The following MAGI2 variants were observed in gnomAD, a reference collection of about 807,000 sequenced individuals.
MAGI2 encodes membrane-associated guanylate kinase, WW and PDZ domain-containing protein 2.
Under a neutral mutation model 133.3 loss-of-function variants are expected in MAGI2, and 35 were observed. The ratio of observed to expected loss-of-function variants is 0.26; its 90% CI spans 0.20 to 0.35. The LOEUF is 0.35. Among genes scored for constraint, MAGI2 ranks in the 10% least tolerant of loss-of-function variants. The pLI is 1.00. For missense variants in MAGI2, 1,636 were observed against 1,863.4 expected (o/e 0.88, Z 2.25); for synonymous variants, 729 against 710.6 (o/e 1.03, Z -0.41).
At chr7:79,239,250 G>A (rs183391778) in intron 1 of MAGI2, among the ~76,000 whole-genome samples, 2 of 152,118 alleles carry the variant, frequency 1.3e-5, no homozygotes, top group African/African-American at 4.8e-5. Context: ...AAGCAGAAAA[G>A]TGGCTAATGC....
At chr7:79,145,944 G>T (rs1822576775) in intron 1 of MAGI2, among the ~76,000 whole-genome samples, 1 of 152,112 alleles carries the variant, frequency 6.6e-6, no homozygotes. Flanking sequence ...TCTTGATTTG[G>T]GGCATGGAAG....
chr7:78,031,579 A>T (rs553800560), intron 21 of MAGI2, among the ~76,000 whole-genome samples: 2 of 152,198 alleles, frequency 1.3e-5, no homozygotes, highest in African/African-American at 4.8e-5. Flanking sequence ...AGTTAGAAGA[A>T]TCTGAATTAA....
At chr7:78,494,600 G>C (rs570888676) in intron 5 of MAGI2, among the ~76,000 whole-genome samples, 1 of 152,114 alleles carries the variant, frequency 6.6e-6, no homozygotes, top group Non-Finnish European at 1.5e-5. Context: ...ATTAAAACAT[G>C]TTCTCCTTTC....
chr7:78,887,753 G>A (rs914213670), intron 2 of MAGI2, among the ~76,000 whole-genome samples: 1 of 152,178 alleles, frequency 6.6e-6, no homozygotes, highest in African/African-American at 2.4e-5. Flanking sequence ...TCAGGGTTGA[G>A]CCAAGATGGC....
At chr7:79,257,346 C>T (rs932484822) in intron 1 of MAGI2, among the ~76,000 whole-genome samples, 2 of 152,060 alleles carry the variant, frequency 1.3e-5, no homozygotes, top group African/African-American at 4.8e-5. Flanking sequence ...AGTGATATTA[C>T]TTTAACAAAC....
intron 16 of MAGI2, among the ~76,000 whole-genome samples, chr7:78,150,835 A>T (rs1418800215): frequency 6.6e-6 from 1 of 152,174 alleles, no homozygotes; most frequent in Non-Finnish European, 1.5e-5. Context: ...AATTTTAGAA[A>T]ATGCATTGTG....
chr7:78,179,624 T>C (rs893763532), intron 13 of MAGI2, among the ~76,000 whole-genome samples: 3 of 152,228 alleles, frequency 2.0e-5, no homozygotes, highest in Non-Finnish European at 4.4e-5. Context: ...ATTCATACCC[T>C]TTTATGACCA....
chr7:78,501,372 T>C (rs914484489), intron 5 of MAGI2, among the ~76,000 whole-genome samples: 7 of 152,180 alleles, frequency 4.6e-5, no homozygotes, highest in Non-Finnish European at 7.3e-5. Flanking sequence ...TGCTATTATT[T>C]AATCCATTAT....
At position 78,725,690 on chromosome 7, in the gene MAGI2, T is replaced by G. The variant is rs917120211; in HGVS notation, c.419-98451A>C. Among the ~76,000 whole-genome samples, 4 of 152,154 alleles carry G rather than the reference T, an allele frequency of 2.6e-5. No homozygotes were observed. In the South Asian group the frequency reaches 6.2e-4, roughly 24 times the overall value. On this transcript the variant is annotated intron_variant, in intron 2 of 21. Coordinates refer to ENST00000354212, the MANE Select transcript of MAGI2 (RefSeq NM_012301.4). The stretch of plus-strand genomic sequence containing the variant: ...GGCAGGCGCCTGTAGTCCCAGCTAC[T>G]TGGGAGGCTGAGGCAGGAGAACGGC...
At chr7:78,053,354 C>T (rs1222164498) in intron 21 of MAGI2, among the ~76,000 whole-genome samples, 5 of 152,280 alleles carry the variant, frequency 3.3e-5, no homozygotes, top group African/African-American at 9.6e-5. Flanking sequence ...TAGAAGCTGT[C>T]CCAGGACTGT....
chr7:78,539,985 T>C (rs1584551910), intron 3 of MAGI2, among the ~76,000 whole-genome samples: 1 of 152,224 alleles, frequency 6.6e-6, no homozygotes, highest in African/African-American at 2.4e-5. Flanking sequence ...TATTCTTTTA[T>C]GAGTTGCTGT....
chr7:78,521,348 T>C, intron 4 of MAGI2, 82 bp downstream of exon 4: 2 of 944,182 alleles, frequency 2.1e-6, no homozygotes, highest in Non-Finnish European at 1.7e-6. Flanking sequence ...TGTATATATA[T>C]CTTACTGTGT....
intron 1 of MAGI2, among the ~76,000 whole-genome samples, chr7:79,437,544 A>G (rs1481913494): frequency 6.6e-6 from 1 of 152,146 alleles, no homozygotes; most frequent in Non-Finnish European, 1.5e-5. Context: ...ATGTCAAAGG[A>G]AAGTAACTCA....
At chr7:79,026,846 G>A (rs1426674523) in intron 1 of MAGI2, among the ~76,000 whole-genome samples, 1 of 149,750 alleles carries the variant, frequency 6.7e-6, no homozygotes, top group Non-Finnish European at 1.5e-5. Flanking sequence ...CAGCCTGGGA[G>A]ACAGAGCAAG....
intron 1 of MAGI2, among the ~76,000 whole-genome samples, chr7:79,070,235 G>T (rs1814824656): frequency 2.0e-5 from 3 of 151,900 alleles, no homozygotes; most frequent in Admixed American, 6.6e-5. Flanking sequence ...ATCACTTTCA[G>T]GTACATCAAT....
intron 7 of MAGI2, chr7:78,358,694 G>A (rs951694014): frequency 1.8e-5 from 4 of 217,868 alleles, no homozygotes; most frequent in African/African-American, 2.4e-5. Context: ...CCTGGCTCAC[G>A]AGGTTGGCTG....
At chr7:78,508,855 C>T (rs1795324192) in intron 4 of MAGI2, among the ~76,000 whole-genome samples, 1 of 151,316 alleles carries the variant, frequency 6.6e-6, no homozygotes, top group Non-Finnish European at 1.5e-5. Flanking sequence ...ATGCATTTCT[C>T]AGTATGCTTT....
At chr7:78,384,586 G>A (rs561470343) in intron 6 of MAGI2, among the ~76,000 whole-genome samples, 5 of 152,050 alleles carry the variant, frequency 3.3e-5, no homozygotes, top group Non-Finnish European at 7.4e-5. Flanking sequence ...ATGTTTTGGG[G>A]TGAATTTACA....
intron 2 of MAGI2, among the ~76,000 whole-genome samples, chr7:78,852,686 C>T (rs1019227467): frequency 7.9e-5 from 12 of 152,052 alleles, no homozygotes; most frequent in African/African-American, 2.7e-4. Context: ...TACATATATG[C>T]ATGATAAATT....
Sources: allele counts gnomAD v4.1 joint callset (sites outside exome capture counted in the v4.1 genomes callset), GRCh38; gene constraint gnomAD v4.1.1; transcripts MANE v1.5; gene names NCBI Gene and HGNC (gene_info 2026-07-23, HGNC 2026-07-21).